MYZAP: variants seen among roughly 807,000 people sequenced by gnomAD.
MYZAP encodes the protein GRINL1A complex locus upstream.
In MYZAP, 66 loss-of-function variants were observed where a neutral mutation model predicts 69.4. The observed-to-expected ratio is 0.95, with a 90% CI of 0.78 to 1.17. The LOEUF is 1.17. MYZAP is among the 50% of genes most tolerant of loss of function. MYZAP has a pLI of 0.00. For synonymous variants in MYZAP, 256 were observed against 205.9 expected (o/e 1.24, Z -2.09); for missense variants, 611 against 556.2 (o/e 1.10, Z -0.99).
At chr15:57,657,026 T>C (rs1214469707) in intron 10 of MYZAP, among the ~76,000 whole-genome samples, 1 of 152,168 alleles carries the variant, frequency 6.6e-6, no homozygotes, top group African/African-American at 2.4e-5. Flanking sequence ...GCACTCTCTC[T>C]AGGTGATGTA....
rs1161537708 is a variant in MYZAP at position 57,632,474 on chromosome 15, A to C, written c.719A>C (p.Glu240Ala). The C allele has an allele frequency of 6.2e-7, 1 of 1,614,102 alleles. No individual in the cohort carries two copies. The highest frequency in any genetic ancestry group is 8.5e-7 in the Non-Finnish European group (1 of 1,180,042). Residue 240 changes from glutamate to alanine, a missense_variant, in exon 7 of 13, where the codon GAG becomes GCG. Transcript: ENST00000267853. The part of the protein sequence containing the change: ...SQEANAEVMR[E>A]MTKKLYSQYE... ...GAAGCCAATGCTGAGGTGATGCGAG[A>C]GATGACCAAGAAGCTGTACAGCCAG...
intron 9 of MYZAP, among the ~76,000 whole-genome samples, chr15:57,638,501 A>C (rs1459784859): frequency 6.6e-6 from 1 of 152,042 alleles, no homozygotes; most frequent in Non-Finnish European, 1.5e-5. Flanking sequence ...TTCCTTCCTC[A>C]TTTGCAATTT....
At chr15:57,606,223 C>A (rs1285719744) in intron 2 of MYZAP, among the ~76,000 whole-genome samples, 2 of 152,138 alleles carry the variant, frequency 1.3e-5, no homozygotes, top group Non-Finnish European at 2.9e-5. Context: ...CCAAGTGATC[C>A]AACCTAACTT....
At chr15:57,649,679 T>C (rs1326328520) in intron 10 of MYZAP, among the ~76,000 whole-genome samples, 1 of 152,198 alleles carries the variant, frequency 6.6e-6, no homozygotes, top group Admixed American at 6.5e-5. Context: ...TTTTATAATA[T>C]ATAAGTTTTT....
chr15:57,678,734 C>A (rs2039270118), intron 12 of MYZAP, among the ~76,000 whole-genome samples: 1 of 152,138 alleles, frequency 6.6e-6, no homozygotes, highest in African/African-American at 2.4e-5. Flanking sequence ...CCCCTGCGTG[C>A]TGTAGGCATG....
At chr15:57,599,692 AAATGCTCGGAGGTAAGG>A in intron 1 of MYZAP, 1 of 1,288,854 alleles carries the variant, frequency 7.8e-7, no homozygotes, top group Non-Finnish European at 1.0e-6. Flanking sequence ...CAGCCTCGTA[AAATGCTCGGAGGTAAGG>A]AATGCTGCCT....
At chr15:57,633,423 A>G (rs1301088423) in intron 7 of MYZAP, among the ~76,000 whole-genome samples, 190 bp from the exon 8 acceptor site, 6 of 152,210 alleles carry the variant, frequency 3.9e-5, no homozygotes, top group Admixed American at 3.9e-4. Context: ...AACCAGCCAC[A>G]TGATGTATCT....
intron 2 of MYZAP, among the ~76,000 whole-genome samples, chr15:57,614,341 A>G (rs538061017): frequency 6.6e-6 from 1 of 152,380 alleles, no homozygotes; most frequent in East Asian, 1.9e-4. Flanking sequence ...TACAGTTGAT[A>G]GGGAAGCAGG....
intron 1 of MYZAP, among the ~76,000 whole-genome samples, chr15:57,600,867 C>T (rs1377798120): frequency 2.0e-5 from 3 of 151,996 alleles, no homozygotes; most frequent in Admixed American, 1.3e-4. Context: ...TTGCTTGAGC[C>T]CAGGTGTCTA....
At chr15:57,616,326 G>A (rs1220950325) in intron 2 of MYZAP, among the ~76,000 whole-genome samples, 1 of 152,160 alleles carries the variant, frequency 6.6e-6, no homozygotes, top group African/African-American at 2.4e-5. Context: ...ACCAGATGGT[G>A]AAACCTTGTC....
intron 10 of MYZAP, chr15:57,646,141 T>C: frequency 2.3e-6 from 3 of 1,289,272 alleles, no homozygotes; most frequent in Non-Finnish European, 3.0e-6. Context: ...CTCCAGATCA[T>C]GTCGCACGAG....
intron 11 of MYZAP, among the ~76,000 whole-genome samples, chr15:57,673,463 CGTGT>C (rs3051249): frequency 0.14 from 14,472 of 102,362 alleles, 681 homozygotes; most frequent in East Asian, 0.2. Context: ...TGCGTGCATG[CGTGT>C]GTGTGTGTGT....
intron 2 of MYZAP, among the ~76,000 whole-genome samples, chr15:57,610,778 C>T (rs1487375727): frequency 6.6e-6 from 1 of 152,094 alleles, no homozygotes; most frequent in Non-Finnish European, 1.5e-5. Flanking sequence ...AACTCTTCAC[C>T]CTACAACCTT....
intron 4 of MYZAP, among the ~76,000 whole-genome samples, chr15:57,624,332 C>T (rs1309752855): frequency 6.6e-6 from 1 of 152,144 alleles, no homozygotes; most frequent in African/African-American, 2.4e-5. Flanking sequence ...AGATTAAGTG[C>T]TTAAGTAACA....
At chr15:57,611,361 T>C (rs2035091661) in intron 2 of MYZAP, among the ~76,000 whole-genome samples, 2 of 152,228 alleles carry the variant, frequency 1.3e-5, no homozygotes, top group South Asian at 4.1e-4. Context: ...TTTAGGATAT[T>C]TACATTTTAT....
intron 10 of MYZAP, among the ~76,000 whole-genome samples, chr15:57,652,299 A>G (rs889954379): frequency 5.9e-5 from 9 of 151,950 alleles, no homozygotes; most frequent in African/African-American, 2.2e-4. Flanking sequence ...CATTTTCTTC[A>G]TGCTTATTAA....
At chr15:57,599,712 T>C in intron 1 of MYZAP, 2 of 1,288,800 alleles carry the variant, frequency 1.6e-6, no homozygotes, top group Non-Finnish European at 2.0e-6. Flanking sequence ...AGGTAAGGAA[T>C]GCTGCCTTGA....
At chr15:57,654,614 C>T (rs776023038) in intron 10 of MYZAP, among the ~76,000 whole-genome samples, 4 of 152,162 alleles carry the variant, frequency 2.6e-5, no homozygotes, top group Non-Finnish European at 4.4e-5. Flanking sequence ...AAGTTCAATA[C>T]GGAGTTATGT....
At chr15:57,627,411 AGGG>A (rs1185798549) in intron 5 of MYZAP, among the ~76,000 whole-genome samples, 1 of 70,550 alleles carries the variant, frequency 1.4e-5, no homozygotes, top group Non-Finnish European at 2.8e-5. Context: ...GGGGAGGGGA[AGGG>A]GGAGGAGGAG....
Sources: allele counts gnomAD v4.1 joint callset (sites outside exome capture counted in the v4.1 genomes callset), GRCh38; gene constraint gnomAD v4.1.1; transcripts MANE v1.5; gene names NCBI Gene and HGNC (gene_info 2026-07-23, HGNC 2026-07-21).